Variants in EDN1 observed in about 807,000 individuals in gnomAD.
The protein encoded by EDN1 is endothelin-1.
A neutral mutation model predicts 21.7 loss-of-function variants in EDN1; 11 were observed. The ratio of observed to expected loss-of-function variants is 0.51; its 90% CI spans 0.32 to 0.84. The LOEUF is 0.84. EDN1 is among the 40% of genes least tolerant of loss of function. EDN1 has a pLI of 0.03. For missense variants in EDN1, 244 were observed against 262.3 expected, an observed-to-expected ratio of 0.93 and a Z score of 0.48; for synonymous variants, 85 against 90.6, an observed-to-expected ratio of 0.94 and a Z score of 0.35.
At chr6:12,258,004 A>G in the EDN1 span, among the ~76,000 whole-genome samples, 1 of 152,282 alleles carries the variant, frequency 6.6e-6, no homozygotes, top group South Asian at 2.1e-4. Flanking sequence ...ATATTTGCAC[A>G]TGAGGAGTGC....
chr6:12,289,329 C>T (rs1434138278), upstream of EDN1, among the ~76,000 whole-genome samples: 1 of 152,134 alleles, frequency 6.6e-6, no homozygotes, highest in Non-Finnish European at 1.5e-5. Flanking sequence ...AAAAAAGAGT[C>T]CCAGAAAATA....
At chr6:12,282,068 C>T in the EDN1 span, among the ~76,000 whole-genome samples, 3 of 151,870 alleles carry the variant, frequency 2.0e-5, no homozygotes. Flanking sequence ...AAATGCTAAC[C>T]AGTCAAAGTG....
At chr6:12,290,042 C>A (rs549468637), upstream of EDN1, among the ~76,000 whole-genome samples, 13 of 152,264 alleles carry the variant, frequency 8.5e-5, no homozygotes, top group Admixed American at 7.2e-4. Context: ...CTGGAGTCCC[C>A]TCTTCTGATT....
the EDN1 span, among the ~76,000 whole-genome samples, chr6:12,265,404 T>G: frequency 6.6e-6 from 1 of 152,090 alleles, no homozygotes; most frequent in African/African-American, 2.4e-5. Context: ...GTAATTAAGG[T>G]AAAATGGGGT....
At chr6:12,294,577 C>G (rs1393003303) in intron 4 of EDN1, among the ~76,000 whole-genome samples, 173 bp downstream of exon 4, 1 of 152,110 alleles carries the variant, frequency 6.6e-6, no homozygotes, top group Non-Finnish European at 1.5e-5. Flanking sequence ...CAAAAGAATC[C>G]CTCTTAAATA....
At chr6:12,287,712 T>A (rs75305679), upstream of EDN1, among the ~76,000 whole-genome samples, 167 of 103,074 alleles carry the variant, frequency 1.6e-3, 1 homozygote, top group Middle Eastern at 0.011. Flanking sequence ...TCTCTCTCTC[T>A]CACACACACA....
At chr6:12,257,179 G>A in the EDN1 span, among the ~76,000 whole-genome samples, 9 of 152,168 alleles carry the variant, frequency 5.9e-5, no homozygotes, top group Admixed American at 5.9e-4. Flanking sequence ...TTAAAAGCCT[G>A]TTGAAATGAT....
the EDN1 span, among the ~76,000 whole-genome samples, chr6:12,264,591 C>T: frequency 6.6e-6 from 1 of 152,100 alleles, no homozygotes; most frequent in Non-Finnish European, 1.5e-5. Flanking sequence ...ACACATAAAA[C>T]ACACTAACAC....
the EDN1 span, among the ~76,000 whole-genome samples, chr6:12,265,831 T>A: frequency 6.6e-6 from 1 of 152,154 alleles, no homozygotes; most frequent in Non-Finnish European, 1.5e-5. Context: ...GAAAATAAAT[T>A]TGGAGAAATG....
upstream of EDN1, among the ~76,000 whole-genome samples, chr6:12,286,803 A>T (rs925327679): frequency 2.0e-5 from 3 of 152,216 alleles, no homozygotes; most frequent in Middle Eastern, 3.2e-3. Context: ...ACTTTCCAGC[A>T]TTCAAGTGTA....
chr6:12,262,434 C>G, the EDN1 span, among the ~76,000 whole-genome samples: 1 of 152,066 alleles, frequency 6.6e-6, no homozygotes, highest in Admixed American at 6.6e-5. Flanking sequence ...GTCTGGCTTC[C>G]CAGAGAGTAG....
At chr6:12,245,215 G>T in the EDN1 span, among the ~76,000 whole-genome samples, 300 of 152,144 alleles carry the variant, frequency 2.0e-3, 2 homozygotes, top group African/African-American at 6.6e-3. Flanking sequence ...ATTTTAACAT[G>T]TCTCTGTGAT....
In EDN1 at chr6:12,294,920, C is replaced by CTTTTTTTT. The variant is rs61701314; in HGVS notation, c.533+529_533+536dup. On this transcript the variant is annotated intron_variant, in intron 4 of 4. Transcript: ENST00000379375. ...ACATGCTGTTTTTCAGGTTTATGGTCTTTTTTTTTTTTTTTTTTTTAAATA... is the reference window on the plus strand; with the variant it reads ...ACATGCTGTTTTTCAGGTTTATGGTCTTTTTTTTTTTTTTTTTTTTTTTTTTTTAAATA... Among the ~76,000 whole-genome samples the CTTTTTTTT allele has an allele frequency of 1.3e-3, 135 of 107,622 alleles. 9 individuals carry two copies. The highest frequency in any genetic ancestry group is 3.6e-3 in the African/African-American group (101 of 28,208). 70.6% of individuals were successfully genotyped at this position (107,622 alleles called of 152,430 possible). A position where few individuals can be genotyped will look rare whatever the true frequency, so the allele number is the denominator to read the frequency against.
the EDN1 span, among the ~76,000 whole-genome samples, chr6:12,238,915 C>A: frequency 1.3e-5 from 2 of 152,168 alleles, no homozygotes; most frequent in African/African-American, 4.8e-5. Flanking sequence ...ACAGCACTGA[C>A]GCCAATTGTT....
the EDN1 span, among the ~76,000 whole-genome samples, chr6:12,240,032 T>C: frequency 6.6e-6 from 1 of 152,246 alleles, no homozygotes; most frequent in Non-Finnish European, 1.5e-5. Context: ...AAAGGTATTA[T>C]GGATAAAATC....
At chr6:12,277,653 C>T in the EDN1 span, among the ~76,000 whole-genome samples, 5 of 152,146 alleles carry the variant, frequency 3.3e-5, no homozygotes, top group African/African-American at 9.7e-5. Context: ...TTTCAGGAAT[C>T]GGCAGAGGAA....
the EDN1 span, among the ~76,000 whole-genome samples, chr6:12,256,285 C>A: frequency 4.6e-5 from 7 of 151,984 alleles, no homozygotes; most frequent in African/African-American, 1.7e-4. Context: ...CCCAGGAGGC[C>A]GAGGCTACAG....
chr6:12,294,918 G>GTTTTTTTTTTTTTT (rs757628744), intron 4 of EDN1, among the ~76,000 whole-genome samples: 1 of 32,698 alleles, frequency 3.1e-5, no homozygotes, highest in African/African-American at 1.0e-4. Context: ...CAGGTTTATG[G>GTTTTTTTTTTTTTT]TCTTTTTTTT....
chr6:12,281,321 T>C, the EDN1 span, among the ~76,000 whole-genome samples: 10 of 152,356 alleles, frequency 6.6e-5, no homozygotes, highest in African/African-American at 2.2e-4. Context: ...TTGATGATAC[T>C]TTGCTCTTTC....
Sources: allele counts gnomAD v4.1 joint callset (sites outside exome capture counted in the v4.1 genomes callset), GRCh38; gene constraint gnomAD v4.1.1; transcripts MANE v1.5; gene names NCBI Gene and HGNC (gene_info 2026-07-23, HGNC 2026-07-21).